Variants in ANKRD12 observed in about 807,000 individuals in gnomAD.
ANKRD12 encodes the protein ankyrin repeat domain-containing protein 12.
ANKRD12 carries 85 observed loss-of-function variants against 183.4 expected under a neutral mutation model. That is an observed-to-expected ratio of 0.46 (90% confidence interval 0.39 to 0.56). ANKRD12 has a LOEUF of 0.56. Ranked by LOEUF, ANKRD12 falls within the 20% of genes least tolerant of loss-of-function variation. The pLI is 0.00. For synonymous variants in ANKRD12, 914 were observed against 800.2 expected (o/e 1.14, Z -2.40); for missense variants, 2,405 against 2,357.1 (o/e 1.02, Z -0.42).
chr18:9,255,868 A>T lies in ANKRD12; in HGVS notation c.2601A>T (p.Ile867=), dbSNP rs2038581647. ...ATCTTAGTGAATGTGTTGATAAAAT[A>T]AAAGAAAAGGACAAGCTATATTCGC... The part of the protein sequence containing the change: ...KLDLSECVDK[I]KEKDKLYSHH... Residue 867 remains isoleucine, a synonymous_variant, in exon 9 of 13, where the codon ATA becomes ATT. Transcript: ENST00000262126. 2 of 1,591,756 alleles carry T rather than the reference A, an allele frequency of 1.3e-6. No individual in the cohort carries two copies. Among genetic ancestry groups the T allele is most frequent in the Non-Finnish European group, 1.7e-6 (2 of 1,174,198 alleles).
chr18:9,153,429 T>A (rs1365988379), intron 1 of ANKRD12, among the ~76,000 whole-genome samples: 1 of 152,240 alleles, frequency 6.6e-6, no homozygotes, highest in Non-Finnish European at 1.5e-5. Context: ...TTGAAATCCT[T>A]TGTCTTTTTC....
At chr18:9,267,907 C>G (rs896650676) in intron 10 of ANKRD12, among the ~76,000 whole-genome samples, 5 of 152,092 alleles carry the variant, frequency 3.3e-5, no homozygotes, top group Non-Finnish European at 7.3e-5. Context: ...AGAGAAGAAT[C>G]AAGTAGACGC....
chr18:9,199,379 C>T (rs1567907482), intron 3 of ANKRD12, among the ~76,000 whole-genome samples: 2 of 152,178 alleles, frequency 1.3e-5, no homozygotes, highest in Admixed American at 6.5e-5. Flanking sequence ...TTTACATTTA[C>T]TGTGTGTATA....
At chr18:9,170,189 T>C (rs1186433658) in intron 1 of ANKRD12, among the ~76,000 whole-genome samples, 2 of 152,190 alleles carry the variant, frequency 1.3e-5, no homozygotes, top group Non-Finnish European at 2.9e-5. Flanking sequence ...CAATTATGTG[T>C]CTTGGAGTTG....
At chr18:9,151,940 G>A (rs1157665547) in intron 1 of ANKRD12, among the ~76,000 whole-genome samples, 1 of 152,082 alleles carries the variant, frequency 6.6e-6, no homozygotes, top group Non-Finnish European at 1.5e-5. Flanking sequence ...TTTAGGCCAG[G>A]TGCATTGGTT....
chr18:9,159,074 ACT>A (rs2031024000), intron 1 of ANKRD12, among the ~76,000 whole-genome samples: 1 of 151,986 alleles, frequency 6.6e-6, no homozygotes, highest in African/African-American at 2.4e-5. Context: ...GATTATCCAG[ACT>A]CATCTTTTGT....
chr18:9,162,188 TC>T (rs893864159), intron 1 of ANKRD12, among the ~76,000 whole-genome samples: 1 of 150,160 alleles, frequency 6.7e-6, no homozygotes, highest in Non-Finnish European at 1.5e-5. Context: ...ATGCTATCCC[TC>T]CCCCAACCCC....
intron 10 of ANKRD12, among the ~76,000 whole-genome samples, chr18:9,273,740 A>G (rs948720208): frequency 1.3e-5 from 2 of 152,186 alleles, no homozygotes; most frequent in Non-Finnish European, 2.9e-5. Flanking sequence ...AGGGGAGGCA[A>G]AAGTTGACCT....
chr18:9,280,725 G>T (rs552431071), intron 12 of ANKRD12, among the ~76,000 whole-genome samples: 4 of 152,060 alleles, frequency 2.6e-5, no homozygotes, highest in Non-Finnish European at 4.4e-5. Flanking sequence ...GGAGGCGGAG[G>T]TTGCAGTGAG....
At chr18:9,181,818 A>C (rs7229105) in intron 1 of ANKRD12, among the ~76,000 whole-genome samples, 14,001 of 152,244 alleles carry the variant, frequency 0.092, 755 homozygotes, top group African/African-American at 0.15. Context: ...AGGCTGAACA[A>C]ATTGGAAATA....
chr18:9,243,368 A>G (rs1021051277), intron 8 of ANKRD12, among the ~76,000 whole-genome samples: 14 of 152,146 alleles, frequency 9.2e-5, no homozygotes, highest in African/African-American at 3.4e-4. Flanking sequence ...CTCAGAGGAG[A>G]CTCTCCACAA....
intron 6 of ANKRD12, 62 bp downstream of exon 6, chr18:9,211,846 A>G (rs935357899): frequency 7.6e-7 from 1 of 1,308,764 alleles, no homozygotes; most frequent in Non-Finnish European, 1.1e-6. Context: ...TCCTGGTTAC[A>G]ATTTAATCTA....
At chr18:9,224,058 A>G (rs566660774) in intron 8 of ANKRD12, among the ~76,000 whole-genome samples, 7 of 152,328 alleles carry the variant, frequency 4.6e-5, no homozygotes, top group African/African-American at 1.7e-4. Flanking sequence ...ATTTCTAGAC[A>G]ATATAGCAGA....
chr18:9,265,780 T>C (rs1404127542), intron 10 of ANKRD12, among the ~76,000 whole-genome samples: 1 of 152,036 alleles, frequency 6.6e-6, no homozygotes, highest in Admixed American at 6.6e-5. Context: ...ATAATGACTT[T>C]TACGAGTTAA....
chr18:9,175,338 G>A (rs929827507), intron 1 of ANKRD12, among the ~76,000 whole-genome samples: 2 of 151,920 alleles, frequency 1.3e-5, no homozygotes, highest in African/African-American at 4.8e-5. Context: ...AGGCCACATT[G>A]GCAACTAGAG....
At chr18:9,246,979 C>A (rs963945490) in intron 8 of ANKRD12, among the ~76,000 whole-genome samples, 10 of 152,104 alleles carry the variant, frequency 6.6e-5, no homozygotes, top group African/African-American at 2.4e-4. Flanking sequence ...ATAGGAAGTT[C>A]AGAGTCAGAT....
chr18:9,155,578 C>A (rs2030288976), intron 1 of ANKRD12, among the ~76,000 whole-genome samples: 2 of 152,184 alleles, frequency 1.3e-5, no homozygotes. Flanking sequence ...ATTTTTATCC[C>A]CATCAGCAGT....
At chr18:9,205,598 T>C (rs1306774477) in intron 4 of ANKRD12, among the ~76,000 whole-genome samples, 5 of 152,094 alleles carry the variant, frequency 3.3e-5, no homozygotes, top group Admixed American at 3.3e-4. Context: ...TTCTAAAAGG[T>C]GACTTCTAAG....
At position 9,230,316 on chromosome 18, in the gene ANKRD12, A is replaced by G. The variant is rs561712117; in HGVS notation, c.943+8317A>G. On this transcript the variant is annotated intron_variant, in intron 8 of 12. Transcript: ENST00000262126. ...TGATTTTCGGTATTTCTGTGATATC[A>G]GTTGTAATGTCCCCTTTTTTATTTC... is the stretch of plus-strand genomic sequence containing the variant. 2.0e-5 allele frequency among the ~76,000 whole-genome samples: 3 copies of G among 152,244 alleles called. No individual in the cohort carries two copies. In the East Asian group the frequency reaches 5.8e-4, roughly 29 times the overall value.
Sources: allele counts gnomAD v4.1 joint callset (sites outside exome capture counted in the v4.1 genomes callset), GRCh38; gene constraint gnomAD v4.1.1; transcripts MANE v1.5; gene names NCBI Gene and HGNC (gene_info 2026-07-23, HGNC 2026-07-21).